SPDYE14: variants seen among roughly 807,000 people sequenced by gnomAD.
The protein encoded by SPDYE14 is speedy/RINGO cell cycle regulator family member E14, also known as speedy protein E14.
At chr7:75,249,579 TTCC>T in the SPDYE14 span, among the ~76,000 whole-genome samples, 4 of 13,428 alleles carry the variant, frequency 3.0e-4, no homozygotes, top group Admixed American at 2.2e-3. Flanking sequence ...CCTTCCTTCT[TTCC>T]TTCCTTCCTT....
the SPDYE14 span, among the ~76,000 whole-genome samples, chr7:75,275,040 G>A: frequency 1.0e-4 from 5 of 50,034 alleles, no homozygotes; most frequent in East Asian, 1.4e-3. Flanking sequence ...CAGCCGCCCC[G>A]TCCGGGAGGG....
the SPDYE14 span, among the ~76,000 whole-genome samples, chr7:75,256,831 AAAAAAAAAG>A: frequency 1.6e-4 from 2 of 12,676 alleles, 1 homozygote; most frequent in Non-Finnish European, 4.1e-4. Flanking sequence ...AAAAAAAAAA[AAAAAAAAAG>A]ACCGGGTGCG....
chr7:75,278,570 C>CA, the SPDYE14 span, among the ~76,000 whole-genome samples: 17 of 5,264 alleles, frequency 3.2e-3, no homozygotes, highest in South Asian at 7.2e-3. Flanking sequence ...GACTCCGTCT[C>CA]AAAAAAAAAA....
At chr7:75,247,570 A>C in the SPDYE14 span, among the ~76,000 whole-genome samples, 1 of 68,322 alleles carries the variant, frequency 1.5e-5, no homozygotes, top group Non-Finnish European at 4.0e-5. Flanking sequence ...ATGACATTAT[A>C]TTAACTCATT....
chr7:75,279,579 G>A, the SPDYE14 span, among the ~76,000 whole-genome samples: 6 of 26,736 alleles, frequency 2.2e-4, 2 homozygotes, highest in African/African-American at 6.8e-4. Flanking sequence ...AGCCTCCTGA[G>A]TAGCTGGGAA....
At chr7:75,247,588 C>CTT in the SPDYE14 span, among the ~76,000 whole-genome samples, 51 of 15,292 alleles carry the variant, frequency 3.3e-3, no homozygotes, top group African/African-American at 4.8e-3. Flanking sequence ...ATTAATTCTT[C>CTT]TTTTTTTTTT....
At chr7:75,262,310 AG>A in the SPDYE14 span, among the ~76,000 whole-genome samples, 2 of 74,402 alleles carry the variant, frequency 2.7e-5, no homozygotes, top group African/African-American at 6.6e-5. Flanking sequence ...TAACACAAAA[AG>A]CTCTATCCTG....
the SPDYE14 span, among the ~76,000 whole-genome samples, chr7:75,261,162 C>T: frequency 2.3e-5 from 2 of 85,774 alleles, no homozygotes; most frequent in Admixed American, 1.7e-4. Context: ...GCACAAAGTA[C>T]AGCCCTACTG....
chr7:75,271,655 AC>A, the SPDYE14 span, among the ~76,000 whole-genome samples: 1 of 54,462 alleles, frequency 1.8e-5, no homozygotes, highest in African/African-American at 4.3e-5. Context: ...ACATGGTGAA[AC>A]CCCGTCTCTA....
chr7:75,241,692 TA>T, the SPDYE14 span, among the ~76,000 whole-genome samples: 11 of 24,224 alleles, frequency 4.5e-4, 1 homozygote, highest in African/African-American at 8.7e-4. Context: ...TATATATATA[TA>T]TATTTTTTTT....
At chr7:75,251,494 C>T in the SPDYE14 span, among the ~76,000 whole-genome samples, 1 of 63,174 alleles carries the variant, frequency 1.6e-5, no homozygotes, top group East Asian at 3.0e-4. Flanking sequence ...TCAAGCCTCA[C>T]GCCGGCTAAT....
chr7:75,260,145 C>T, the SPDYE14 span, among the ~76,000 whole-genome samples: 2 of 42,238 alleles, frequency 4.7e-5, no homozygotes, highest in South Asian at 1.5e-3. Flanking sequence ...CAGGGTCTTG[C>T]CCTGTCACCC....
At chr7:75,260,097 T>C in the SPDYE14 span, among the ~76,000 whole-genome samples, 1 of 64,126 alleles carries the variant, frequency 1.6e-5, no homozygotes, top group Non-Finnish European at 3.2e-5. Context: ...ATGTTGTCAA[T>C]GGTCCTCAGA....
At chr7:75,271,213 T>TAAA in the SPDYE14 span, among the ~76,000 whole-genome samples, 1 of 7,998 alleles carries the variant, frequency 1.3e-4, no homozygotes, top group African/African-American at 2.4e-4. Flanking sequence ...ACTCCACCTC[T>TAAA]AAAAAAAAAA....
the SPDYE14 span, among the ~76,000 whole-genome samples, chr7:75,275,490 G>A: frequency 1.5e-4 from 7 of 47,156 alleles, 3 homozygotes; most frequent in Non-Finnish European, 3.8e-4. Context: ...TGGATTAAGG[G>A]CGGTGCAAGA....
chr7:75,268,845 C>CAGAGAG, the SPDYE14 span, among the ~76,000 whole-genome samples: 83 of 9,606 alleles, frequency 8.6e-3, 11 homozygotes, highest in South Asian at 0.013. Context: ...GCACTCCAGC[C>CAGAGAG]AGAGAGAGAG....
chr7:75,265,180 A>G, the SPDYE14 span, among the ~76,000 whole-genome samples: 1 of 62,572 alleles, frequency 1.6e-5, no homozygotes, highest in African/African-American at 5.8e-5. Flanking sequence ...GCTCACTGCA[A>G]CCTTGGCCTC....
chr7:75,271,775 T>C, the SPDYE14 span, among the ~76,000 whole-genome samples: 1 of 55,360 alleles, frequency 1.8e-5, no homozygotes, highest in African/African-American at 4.2e-5. Flanking sequence ...CAGTGGGCCA[T>C]TGCACTCCAG....
At chr7:75,237,781 T>TG in the SPDYE14 span, 157 of 114,392 alleles carry the variant, frequency 1.4e-3, 8 homozygotes, top group Middle Eastern at 7.4e-3. Context: ...GTAGTCCGCC[T>TG]GGGGGGGCTC....
Sources: gnomAD v4.1 joint callset for allele counts (sites outside exome capture counted in the v4.1 genomes callset) on GRCh38, gnomAD v4.1.1 for gene constraint, MANE v1.5 for transcripts, NCBI Gene and HGNC (gene_info 2026-07-23, HGNC 2026-07-21) for gene names.